Variants in CHL1 observed in about 807,000 individuals in gnomAD.
CHL1 encodes the protein neural cell adhesion molecule L1-like protein.
A neutral mutation model predicts 141.9 loss-of-function variants in CHL1; 96 were observed. The observed-to-expected ratio is 0.68, with a 90% CI of 0.57 to 0.80. CHL1 has a LOEUF of 0.80. Ranked by LOEUF, CHL1 falls within the 30% of genes least tolerant of loss-of-function variation. The pLI is 0.00. For missense variants in CHL1, 1,820 were observed against 1,457.2 expected (o/e 1.25, Z -4.05); for synonymous variants, 613 against 502.2 (o/e 1.22, Z -2.95).
chr3:395,029 A>T (rs1373497295), intron 24 of CHL1, among the ~76,000 whole-genome samples, 157 bp downstream of exon 24: 1 of 152,242 alleles, frequency 6.6e-6, no homozygotes, highest in Admixed American at 6.5e-5. Context: ...ACTGACATAG[A>T]GGCAGAATTT....
chr3:344,579 T>A lies in CHL1; in HGVS notation c.728-10T>A. 6.2e-7 allele frequency: 1 copy of A among 1,600,196 alleles called. No homozygotes were observed. Among genetic ancestry groups the A allele is most frequent in the Non-Finnish European group, 8.5e-7 (1 of 1,175,004 alleles). ...TGAAAAAATTCTGACTTTTCTTTTC[T>A]ATTTTGTAGCAAATTCCATCAAGCA... On this transcript the variant is annotated splice_polypyrimidine_tract_variant and intron_variant, in intron 8 of 27. Coordinates refer to ENST00000256509, the MANE Select transcript of CHL1 (RefSeq NM_006614.4).
chr3:366,252 C>T (rs1228577543), intron 15 of CHL1, 137 bp downstream of exon 15: 1 of 751,726 alleles, frequency 1.3e-6, no homozygotes, highest in Non-Finnish European at 2.2e-6. Flanking sequence ...GAGTGGATCA[C>T]TTGAGGTCAG....
rs1704279388 is a variant in CHL1, at chr3:361,815, G to C, written c.1418+5G>C. On this transcript the variant is annotated splice_donor_5th_base_variant and intron_variant, in intron 13 of 27. Transcript: ENST00000256509. Reference sequence around the variant, plus strand: ...ACCTGAGGCAGTCGTGTCCTGGTAAGCCGGTGGCTCATGGTTTTCTTAAGA... The same window carrying C: ...ACCTGAGGCAGTCGTGTCCTGGTAACCCGGTGGCTCATGGTTTTCTTAAGA... 6.3e-7 allele frequency: 1 copy of C among 1,580,804 alleles called. No individual in the cohort carries two copies. The highest frequency in any genetic ancestry group is 2.2e-5 in the East Asian group (1 of 44,686).
At chr3:328,812 C>A (rs1271214162) in intron 5 of CHL1, among the ~76,000 whole-genome samples, 1 of 152,100 alleles carries the variant, frequency 6.6e-6, no homozygotes, top group Non-Finnish European at 1.5e-5. Context: ...GTGAAACATG[C>A]CATTTTGGTC....
intron 2 of CHL1, among the ~76,000 whole-genome samples, chr3:281,969 T>A (rs1390627455): frequency 1.3e-5 from 2 of 152,246 alleles, no homozygotes; most frequent in African/African-American, 2.4e-5. Flanking sequence ...ATTCTGCTAA[T>A]CCTTACTTTT....
chr3:334,734 A>T (rs1701726079), intron 5 of CHL1, among the ~76,000 whole-genome samples: 1 of 152,196 alleles, frequency 6.6e-6, no homozygotes, highest in African/African-American at 2.4e-5. Context: ...TGATACTGCA[A>T]ATTCTCTGGG....
intron 9 of CHL1, among the ~76,000 whole-genome samples, chr3:347,050 AT>A (rs1217397115): frequency 1.2e-4 from 19 of 152,044 alleles, no homozygotes; most frequent in Non-Finnish European, 1.5e-5. Context: ...AATGTTTTTC[AT>A]TTCCTTTTGT....
intron 5 of CHL1, among the ~76,000 whole-genome samples, chr3:336,035 T>C (rs1227339918): frequency 1.3e-5 from 2 of 152,324 alleles, no homozygotes; most frequent in Admixed American, 6.5e-5. Flanking sequence ...TTATTACATT[T>C]CCCACTTATG....
At chr3:248,874 T>A (rs966885323) in intron 2 of CHL1, among the ~76,000 whole-genome samples, 1 of 152,162 alleles carries the variant, frequency 6.6e-6, no homozygotes, top group Admixed American at 6.6e-5. Context: ...TATATTGACA[T>A]TTAAAAGGAC....
chr3:267,257 A>G lies in CHL1; in HGVS notation c.-95+22565A>G, dbSNP rs373308202. On this transcript the variant is annotated intron_variant, in intron 2 of 27. Coordinates refer to ENST00000256509, the MANE Select transcript of CHL1 (RefSeq NM_006614.4). ...CAAGACTTCTGTTCAAAATTATGCTAAGATGAAGAGTCTCACCATCATTTC... is the reference window on the plus strand; with the variant it reads ...CAAGACTTCTGTTCAAAATTATGCTGAGATGAAGAGTCTCACCATCATTTC... Among the ~76,000 whole-genome samples, 7 of 152,216 alleles carry G rather than the reference A, an allele frequency of 4.6e-5. No homozygotes were observed. In the South Asian group the frequency reaches 1.4e-3, roughly 32 times the overall value.
intron 2 of CHL1, among the ~76,000 whole-genome samples, chr3:263,256 AG>A (rs977994714): frequency 1.3e-5 from 2 of 152,126 alleles, no homozygotes; most frequent in Non-Finnish European, 2.9e-5. Context: ...GCCAGTTGTA[AG>A]AGCTAATTCA....
At chr3:359,365 G>A (rs184087446) in intron 11 of CHL1, among the ~76,000 whole-genome samples, 3 of 151,572 alleles carry the variant, frequency 2.0e-5, no homozygotes, top group Admixed American at 6.6e-5. Context: ...GTGCAGTGGC[G>A]AGATCTTGGC....
intron 2 of CHL1, among the ~76,000 whole-genome samples, chr3:315,151 T>C (rs1055724649): frequency 1.3e-5 from 2 of 152,206 alleles, no homozygotes; most frequent in African/African-American, 2.4e-5. Context: ...CTTTCACTAG[T>C]ATTAGCAAAT....
intron 2 of CHL1, among the ~76,000 whole-genome samples, chr3:290,751 G>A (rs1005845634): frequency 6.6e-6 from 1 of 151,946 alleles, no homozygotes; most frequent in South Asian, 2.1e-4. Flanking sequence ...AAGGTGATTG[G>A]AGCTGTAATC....
In CHL1 at chr3:244,340, A is replaced by T. The variant is rs9813769; in HGVS notation, c.-174-273A>T. On this transcript the variant is annotated intron_variant, in intron 1 of 27. Coordinates refer to ENST00000256509, the MANE Select transcript of CHL1 (RefSeq NM_006614.4). ...TACGTGAATTCATGAGAGAAGACACATCGATAATGTTTTCAATGAGAAGTG... is the reference window on the plus strand; with the variant it reads ...TACGTGAATTCATGAGAGAAGACACTTCGATAATGTTTTCAATGAGAAGTG... Among the ~76,000 whole-genome samples the T allele has an allele frequency of 3.3e-5, 5 of 151,946 alleles. No homozygotes were observed. The East Asian group carries it at 9.6e-4, about 29-fold the overall frequency.
At chr3:295,614 A>T (rs1698122423) in intron 2 of CHL1, among the ~76,000 whole-genome samples, 1 of 152,164 alleles carries the variant, frequency 6.6e-6, no homozygotes, top group African/African-American at 2.4e-5. Context: ...CTCAAATAAA[A>T]ATGCAAAGGA....
chr3:394,246 T>A (rs1482028910), intron 23 of CHL1, among the ~76,000 whole-genome samples: 1 of 152,186 alleles, frequency 6.6e-6, no homozygotes, highest in East Asian at 1.9e-4. Flanking sequence ...CTAGAAACCA[T>A]AGAAGACACA....
intron 2 of CHL1, among the ~76,000 whole-genome samples, chr3:257,939 G>C (rs779568881): frequency 6.6e-6 from 1 of 152,172 alleles, no homozygotes; most frequent in African/African-American, 2.4e-5. Flanking sequence ...GTCTCATCTT[G>C]AAGGAGAAGA....
chr3:315,661 A>G (rs1357910261), intron 2 of CHL1, among the ~76,000 whole-genome samples: 1 of 152,048 alleles, frequency 6.6e-6, no homozygotes. Context: ...ACGCTTGTCC[A>G]TGTTAAACTA....
Sources: gnomAD v4.1 joint callset for allele counts (sites outside exome capture counted in the v4.1 genomes callset) on GRCh38, gnomAD v4.1.1 for gene constraint, MANE v1.5 for transcripts, NCBI Gene and HGNC (gene_info 2026-07-23, HGNC 2026-07-21) for gene names.